The following DDX39A variants were observed in gnomAD, a reference collection of about 807,000 sequenced individuals.
The protein encoded by DDX39A is ATP-dependent RNA helicase DDX39A.
A neutral mutation model predicts 46.3 loss-of-function variants in DDX39A; 13 were observed. The observed-to-expected ratio is 0.28, with a 90% CI of 0.18 to 0.45. The LOEUF is 0.45. DDX39A is among the 20% of genes least tolerant of loss of function. The probability of loss-of-function intolerance (pLI) is 1.00; values close to 1 mark genes in which losing one functional copy is unlikely to be tolerated. For synonymous variants in DDX39A, 234 were observed against 224.6 expected (o/e 1.04, Z -0.38); for missense variants, 352 against 581.8 (o/e 0.61, Z 4.06).
intron 1 of DDX39A, 80 bp from the exon 2 acceptor site, chr19:14,413,304 C>T (rs1568328475): frequency 3.0e-6 from 4 of 1,318,172 alleles, no homozygotes; most frequent in African/African-American, 1.5e-5. Context: ...TTCTCTGCCG[C>T]CTCCTTCCAT....
intron 1 of DDX39A, among the ~76,000 whole-genome samples, chr19:14,416,639 G>A (rs1247541090): frequency 2.6e-5 from 4 of 152,212 alleles, no homozygotes; most frequent in African/African-American, 9.6e-5. Context: ...CAGGGCAGAA[G>A]ACAAAGCTGG....
At position 14,410,098 on chromosome 19, in the gene DDX39A, CT is replaced by C. The variant is rs755784082; in HGVS notation, c.732+117del. On this transcript the variant is annotated intron_variant, in intron 6 of 10. Transcript: ENST00000242776. This position sits in a 1 kb window ranked among gnomAD's most constrained non-coding sequence, Gnocchi z 4.3. The stretch of plus-strand genomic sequence containing the variant: ...ACAAGACCGAGGGGAGGAAAGGAGG[CT>C]CCGCCGGCTCCCAGCATCCCAGCAT... 9.1e-6 allele frequency: 10 copies of C among 1,103,296 alleles called. No individual in the cohort carries two copies. The highest frequency in any genetic ancestry group is 1.4e-5 in the Non-Finnish European group (10 of 730,982). The allele number at this position is 1,103,296 out of a possible 1,614,324, so 68.3% of individuals were successfully genotyped here. A position where few individuals can be genotyped will look rare whatever the true frequency, so the allele number is the denominator to read the frequency against.
rs369537320 is a variant in DDX39A at position 14,417,459 on chromosome 19, A to G, written c.-5+1811T>C. 2.0e-4 allele frequency among the ~76,000 whole-genome samples: 27 copies of G among 132,668 alleles called. 1 individual carries two copies. The East Asian group carries it at 4.7e-3, about 23-fold the overall frequency. The allele number at this position is 132,668 out of a possible 152,430, so 87.0% of individuals were successfully genotyped here. A position where few individuals can be genotyped will look rare whatever the true frequency, so the allele number is the denominator to read the frequency against. ...AATAAGTCGAGACCGCGTCTATACA[A>G]AAACAATTTTTAAAAAAGTAGCCGG... On this transcript the variant is annotated intron_variant, in intron 1 of 10. Transcript: ENST00000242776.
Position 14,409,026 on chromosome 19 carries a change from A to C in DDX39A, c.1267+11T>G, listed in dbSNP as rs539797015. On this transcript the variant is annotated intron_variant, in intron 10 of 10. Coordinates refer to ENST00000242776, the MANE Select transcript of DDX39A (RefSeq NM_005804.4). This position sits in a 1 kb window ranked among gnomAD's most constrained non-coding sequence, Gnocchi z 8.3. The stretch of plus-strand genomic sequence containing the variant: ...CTGCCCCAGACCCCTGGCCCTGCCC[A>C]AGGCACTTACTGTATGTGGAGATGT... 1 of 1,614,152 alleles carries C rather than the reference A, an allele frequency of 6.2e-7. No individual in the cohort carries two copies. Among genetic ancestry groups the C allele is most frequent in the South Asian group, 1.1e-5 (1 of 91,088 alleles).
At chr19:14,413,984 T>C (rs1893369975) in intron 1 of DDX39A, 1 of 152,192 alleles carries the variant, frequency 6.6e-6, no homozygotes, top group South Asian at 2.1e-4. Context: ...GCCTACCTCT[T>C]TGCTTTATTA....
Position 14,409,720 on chromosome 19 carries a change from G to A in DDX39A, c.864+22C>T. 4.3e-6 allele frequency: 7 copies of A among 1,613,966 alleles called. No individual in the cohort carries two copies. Among genetic ancestry groups the A allele is most frequent in the Non-Finnish European group, 5.9e-6 (7 of 1,179,872 alleles). On this transcript the variant is annotated intron_variant, in intron 7 of 10. Transcript: ENST00000242776. This position sits in a 1 kb window ranked among gnomAD's most constrained non-coding sequence, Gnocchi z 8.3. ...ACCTCCCGAAGGTCCTGAGCCCCAG[G>A]ACAGGCTGATGGAAGTATCACCTGG... is the stretch of plus-strand genomic sequence containing the variant.
intron 1 of DDX39A, among the ~76,000 whole-genome samples, chr19:14,414,268 C>T (rs112210814): frequency 4.7e-4 from 71 of 152,022 alleles, no homozygotes; most frequent in African/African-American, 1.6e-3. Flanking sequence ...CCCACCAAGG[C>T]CCTCTGGCCA....
At chr19:14,417,814 C>T (rs117723781) in intron 1 of DDX39A, among the ~76,000 whole-genome samples, 4,351 of 152,102 alleles carry the variant, frequency 0.029, 105 homozygotes, top group Non-Finnish European at 0.042. Context: ...CCAGTGATGG[C>T]GCCATGGCAT....
At position 14,411,512 on chromosome 19, in the gene DDX39A, G is replaced by A. The variant is rs765315803; in HGVS notation, c.423C>T (p.Ser141=). 8.1e-6 allele frequency: 13 copies of A among 1,613,902 alleles called. No homozygotes were observed. The highest frequency in any genetic ancestry group is 3.3e-5 in the Admixed American group (2 of 60,004). ...TCTGGCCCGAGGGACTCACCTTGACGCTGGGCATGTACTTGGAAAAGCGCT... is the reference window on the plus strand; with the variant it reads ...TCTGGCCCGAGGGACTCACCTTGACACTGGGCATGTACTTGGAAAAGCGCT... ...EYERFSKYMP[S]VKVSVFFGGL... is the part of the protein sequence containing the mutation. The change falls in exon 4 of 11, where the codon AGC becomes AGT. Residue 141 remains serine, a synonymous_variant. Transcript: ENST00000242776. This position sits in a 1 kb window ranked among gnomAD's most constrained non-coding sequence, Gnocchi z 4.1.
rs370976136 is a variant in DDX39A at position 14,409,005 on chromosome 19, C to T, written c.1267+32G>A. ...AAGGGCCGGGGGAGGAACCCTCTGC[C>T]CCAGACCCCTGGCCCTGCCCAAGGC... On this transcript the variant is annotated intron_variant, in intron 10 of 10. Transcript: ENST00000242776. This position sits in a 1 kb window ranked among gnomAD's most constrained non-coding sequence, Gnocchi z 8.3. 30 of 1,613,612 alleles carry T rather than the reference C, an allele frequency of 1.9e-5. No homozygotes were observed. Among genetic ancestry groups the T allele is most frequent in the Non-Finnish European group, 2.2e-5 (26 of 1,179,790 alleles).
chr19:14,414,039 A>G (rs1421267261), intron 1 of DDX39A: 1 of 152,152 alleles, frequency 6.6e-6, no homozygotes, highest in Non-Finnish European at 1.5e-5. Context: ...GGACCCAAAC[A>G]TGAGGACAAT....
At position 14,411,408 on chromosome 19, in the gene DDX39A, C is replaced by G; in HGVS notation, c.429+98G>C. 3 of 1,264,348 alleles carry G rather than the reference C, an allele frequency of 2.4e-6. No homozygotes were observed. The allele number at this position is 1,264,348 out of a possible 1,614,324, so 78.3% of individuals were successfully genotyped here. On this transcript the variant is annotated intron_variant, in intron 4 of 10. Coordinates refer to ENST00000242776, the MANE Select transcript of DDX39A (RefSeq NM_005804.4). The surrounding 1 kb of genome is among the most constrained non-coding windows in gnomAD (Gnocchi z 4.1). The stretch of plus-strand genomic sequence containing the variant: ...ACCGCAAACCTCAAAGGCAGCTGCC[C>G]CTGCCAAGCTTGGTAAATGCTGGCT...
rs574444721 is a variant in DDX39A at position 14,409,045 on chromosome 19, G to C, written c.1259C>G (p.Ser420Cys). Residue 420 changes from serine to cysteine, a missense_variant, in exon 10 of 11, where the codon TCC (serine) becomes TGC (cysteine). Ser to Cys is a moderately radical substitution (Grantham distance 112, BLOSUM62 -1). This residue lies in a region of DDX39A where 301 missense variants were observed against 469.9 expected (regional missense o/e 0.64). Transcript: ENST00000242776. The surrounding 1 kb of genome is among the most constrained non-coding windows in gnomAD (Gnocchi z 8.3). ...VAELPEEIDI[S>C]TYIEQSR ...CTGCCCAAGGCACTTACTGTATGTG[G>C]AGATGTCGATTTCCTCTGGAAGTTC... The C allele has an allele frequency of 6.2e-7, 1 of 1,614,166 alleles. No individual in the cohort carries two copies. Among genetic ancestry groups the C allele is most frequent in the Non-Finnish European group, 8.5e-7 (1 of 1,180,030 alleles).
rs77544882 is a variant in DDX39A at position 14,410,147 on chromosome 19, C to G, written c.732+69G>C. 2 of 1,371,432 alleles carry G rather than the reference C, an allele frequency of 1.5e-6. No individual in the cohort carries two copies. The highest frequency in any genetic ancestry group is 3.4e-5 in the Admixed American group (2 of 59,586). 85.0% of individuals were successfully genotyped at this position (1,371,432 alleles called of 1,614,324 possible). A position where few individuals can be genotyped will look rare whatever the true frequency, so the allele number is the denominator to read the frequency against. On this transcript the variant is annotated intron_variant, in intron 6 of 10. Coordinates refer to ENST00000242776, the MANE Select transcript of DDX39A (RefSeq NM_005804.4). This position sits in a 1 kb window ranked among gnomAD's most constrained non-coding sequence, Gnocchi z 4.3. ...CATCCTCCGTGCCATGTGGGCCGTG[C>G]GGGTGTCCTGGGGCCCCAGGCTCCA...
In DDX39A at chr19:14,411,746, C is replaced by T. The variant is rs960654414; in HGVS notation, c.337-148G>A. The stretch of plus-strand genomic sequence containing the variant: ...CGGTCCAAATGCCTCCCACTTCTCA[C>T]GGCCCTTCCCCACCCCTCACTCCCT... On this transcript the variant is annotated intron_variant, in intron 3 of 10. Coordinates refer to ENST00000242776, the MANE Select transcript of DDX39A (RefSeq NM_005804.4). This position sits in a 1 kb window ranked among gnomAD's most constrained non-coding sequence, Gnocchi z 4.1. 3.2e-5 allele frequency: 21 copies of T among 662,884 alleles called. No individual in the cohort carries two copies. Among genetic ancestry groups the T allele is most frequent in the Admixed American group, 9.2e-5 (4 of 43,342 alleles). The allele number at this position is 662,884 out of a possible 1,614,324, so 41.1% of individuals were successfully genotyped here. A position where few individuals can be genotyped will look rare whatever the true frequency, so the allele number is the denominator to read the frequency against.
intron 1 of DDX39A, among the ~76,000 whole-genome samples, chr19:14,414,783 G>T (rs1280623690): frequency 6.7e-6 from 1 of 149,668 alleles, no homozygotes; most frequent in African/African-American, 2.4e-5. Context: ...GACCAACATG[G>T]TGAAACCCCA....
intron 1 of DDX39A, among the ~76,000 whole-genome samples, chr19:14,418,231 C>CA (rs1976898846): frequency 6.6e-6 from 1 of 150,602 alleles, no homozygotes. Flanking sequence ...ATCTAAAGCT[C>CA]AAAACTGATT....
At position 14,410,686 on chromosome 19, in the gene DDX39A, GCTCA is replaced by G. The variant is rs1274665422; in HGVS notation, c.613+299_613+302del. ...CCCATCTCCCACCGGCCCTGTCGGGGCTCACTGAGGGCAGGCGGGGCCTGGAACC... is the reference window on the plus strand; with the variant it reads ...CCCATCTCCCACCGGCCCTGTCGGGGCTGAGGGCAGGCGGGGCCTGGAACC... On this transcript the variant is annotated intron_variant, in intron 5 of 10. Transcript: ENST00000242776. The surrounding 1 kb of genome is among the most constrained non-coding windows in gnomAD (Gnocchi z 4.3). 10 of 516,808 alleles carry G rather than the reference GCTCA, an allele frequency of 1.9e-5. No individual in the cohort carries two copies. The highest frequency in any genetic ancestry group is 3.2e-5 in the Non-Finnish European group (9 of 283,998). The allele number at this position is 516,808 out of a possible 1,614,324, so 32.0% of individuals were successfully genotyped here. A position where few individuals can be genotyped will look rare whatever the true frequency, so the allele number is the denominator to read the frequency against.
intron 1 of DDX39A, among the ~76,000 whole-genome samples, chr19:14,418,184 G>A (rs547127091): frequency 1.0e-4 from 15 of 149,880 alleles, no homozygotes; most frequent in African/African-American, 3.2e-4. Flanking sequence ...AACCGAATCT[G>A]CTAAGATAAA....
Sources: gnomAD v4.1 joint callset for allele counts (sites outside exome capture counted in the v4.1 genomes callset) on GRCh38, gnomAD v4.1.1 for gene constraint, gnomAD v4.1.1 regional missense constraint, Gnocchi (gnomAD v3.1) non-coding constraint, MANE v1.5 for transcripts, NCBI Gene and HGNC (gene_info 2026-07-23, HGNC 2026-07-21) for gene names.